Variants in APOO observed in about 807,000 individuals in gnomAD.
APOO encodes MICOS complex subunit MIC26.
Under a neutral mutation model 23.1 loss-of-function variants are expected in APOO, and 11 were observed. The ratio of observed to expected loss-of-function variants is 0.48; its 90% CI spans 0.30 to 0.79. The LOEUF (loss-of-function observed/expected upper bound fraction) is 0.79, where lower values mean the gene tolerates loss of function less well. Ranked by LOEUF, APOO falls within the 30% of genes least tolerant of loss-of-function variation. The probability of loss-of-function intolerance (pLI) is 0.07; values close to 1 mark genes in which losing one functional copy is unlikely to be tolerated. For missense variants in APOO, 160 were observed against 142.7 expected, an observed-to-expected ratio of 1.12 and a Z score of -0.62; for synonymous variants, 59 against 54.8, an observed-to-expected ratio of 1.08 and a Z score of -0.34.
At chrX:23,893,823 C>T (rs915511325) in intron 1 of APOO, among the ~76,000 whole-genome samples, 3 of 110,197 alleles carry the variant, frequency 2.7e-5, no homozygotes, top group Non-Finnish European at 5.7e-5. Flanking sequence ...CTGCCTGCCT[C>T]GGCCTTCCAA....
chrX:23,849,609 A>AAAAAAAAAAAAAAAAAAAAAG (rs1311653969), intron 7 of APOO, among the ~76,000 whole-genome samples: 2 of 94,478 alleles, frequency 2.1e-5, no homozygotes, highest in African/African-American at 9.0e-5. Context: ...AAAAAAAAAA[A>AAAAAAAAAAAAAAAAAAAAAG]GTTCGGGCAT....
chrX:23,860,000 A>C (rs1207599727), intron 5 of APOO, among the ~76,000 whole-genome samples: 1 of 111,802 alleles, frequency 8.9e-6, no homozygotes. Flanking sequence ...CGTTAAAAAA[A>C]CAGTAAGAAA....
In APOO at chrX:23,874,427, G is replaced by C. The variant is rs751126282; in HGVS notation, c.268C>G (p.Gln90Glu). 16 of 1,210,500 alleles carry C rather than the reference G, an allele frequency of 1.3e-5. No homozygotes were observed. Among genetic ancestry groups the C allele is most frequent in the Non-Finnish European group, 1.8e-5 (16 of 894,536 alleles). ...CCTAACCCCCATTGAACCAAACTTT[G>C]CATCTTGGGCTTAGTTTGGGAGTAC... is the stretch of plus-strand genomic sequence containing the variant. ...ETYSQTKPKM[Q>E]SLVQWGLDSY... Residue 90 changes from glutamine to glutamate, a missense_variant, in exon 4 of 9, where the codon CAA becomes GAA. Coordinates refer to ENST00000379226, the MANE Select transcript of APOO (RefSeq NM_024122.5).
intron 7 of APOO, among the ~76,000 whole-genome samples, chrX:23,846,417 T>A (rs1924241792): frequency 9.5e-6 from 1 of 105,344 alleles, no homozygotes; most frequent in Non-Finnish European, 1.9e-5. Flanking sequence ...AGGTCAGGAG[T>A]TCAGGACCAG....
At chrX:23,872,767 T>G (rs1925675939) in intron 4 of APOO, among the ~76,000 whole-genome samples, 2 of 110,800 alleles carry the variant, frequency 1.8e-5, no homozygotes, top group Admixed American at 2.0e-4. Flanking sequence ...AAATGTACAA[T>G]AAGCTAGGCG....
chrX:23,894,612 T>G (rs1267831207), intron 1 of APOO, among the ~76,000 whole-genome samples: 1 of 110,242 alleles, frequency 9.1e-6, no homozygotes, highest in East Asian at 2.9e-4. Flanking sequence ...CTGGCTAACA[T>G]GGTGAAACTC....
At chrX:23,861,253 C>T (rs1925010687) in intron 5 of APOO, among the ~76,000 whole-genome samples, 1 of 111,026 alleles carries the variant, frequency 9.0e-6, no homozygotes, top group African/African-American at 3.3e-5. Context: ...TCCCTTGGTG[C>T]TGTCCTTGTG....
At chrX:23,881,594 A>AAAG (rs1926134643) in intron 1 of APOO, among the ~76,000 whole-genome samples, 2 of 89,893 alleles carry the variant, frequency 2.2e-5, no homozygotes, top group Non-Finnish European at 4.3e-5. Context: ...AAAAAAAAAA[A>AAAG]GATGGGCTGA....
chrX:23,875,024 C>A (rs1265807128), intron 3 of APOO, among the ~76,000 whole-genome samples: 1 of 111,411 alleles, frequency 9.0e-6, no homozygotes, highest in Non-Finnish European at 1.9e-5. Flanking sequence ...CCGAGTGGGG[C>A]AGATCACCTG....
intron 4 of APOO, among the ~76,000 whole-genome samples, chrX:23,871,860 T>A (rs1473067526): frequency 8.9e-6 from 1 of 111,733 alleles, no homozygotes; most frequent in Non-Finnish European, 1.9e-5. Flanking sequence ...AGCAATTCTG[T>A]CCCCTAAGTA....
chrX:23,907,088 G>A (rs1416701958), intron 1 of APOO, among the ~76,000 whole-genome samples: 2 of 111,866 alleles, frequency 1.8e-5, no homozygotes, highest in Non-Finnish European at 3.8e-5. Flanking sequence ...GCAGATTTTC[G>A]AAATTAAGTC....
intron 3 of APOO, among the ~76,000 whole-genome samples, chrX:23,875,490 C>T (rs772761330): frequency 5.8e-5 from 6 of 103,481 alleles, no homozygotes; most frequent in African/African-American, 2.1e-4. Context: ...GCGACCTCGG[C>T]TCACTGCAAC....
At chrX:23,843,587 T>C (rs867487209) in intron 7 of APOO, among the ~76,000 whole-genome samples, 6,668 of 94,714 alleles carry the variant, frequency 0.07, 444 homozygotes, top group African/African-American at 0.23. Flanking sequence ...TTCTTTTTTT[T>C]TTTTTTTTTT....
At chrX:23,861,528 A>G (rs1317185782) in intron 5 of APOO, among the ~76,000 whole-genome samples, 1 of 104,014 alleles carries the variant, frequency 9.6e-6, no homozygotes, top group African/African-American at 3.5e-5. Flanking sequence ...GAATGGCCTA[A>G]CACATTGGGT....
intron 7 of APOO, among the ~76,000 whole-genome samples, chrX:23,852,264 T>A (rs1034342489): frequency 1.4e-4 from 16 of 110,368 alleles, no homozygotes; most frequent in African/African-American, 5.3e-4. Flanking sequence ...TTTCTCTGAC[T>A]ATGTACAACC....
At chrX:23,855,939 T>A (rs1359448206) in intron 7 of APOO, among the ~76,000 whole-genome samples, 1 of 112,065 alleles carries the variant, frequency 8.9e-6, no homozygotes, top group Non-Finnish European at 1.9e-5. Flanking sequence ...AGGCTCTCAA[T>A]TATGTCTTTT....
Position 23,889,621 on chromosome X carries a change from TGTACACAA to T in APOO, c.10-8677_10-8670del, listed in dbSNP as rs1349283817. Among the ~76,000 whole-genome samples the T allele has an allele frequency of 6.6e-4, 71 of 107,899 alleles. 1 individual carries two copies. Among genetic ancestry groups the T allele is most frequent in the South Asian group, 4.1e-3 (10 of 2,439 alleles). The allele number at this position is 107,899 out of a possible 115,157, so 93.7% of individuals were successfully genotyped here. On this transcript the variant is annotated intron_variant, in intron 1 of 8. Coordinates refer to ENST00000379226, the MANE Select transcript of APOO (RefSeq NM_024122.5). ...ATGATAGAAGGCTTTTGCAGGCCTG[TGTACACAA>T]GAGGTTTCAGAATCACCTGGGGAGT...
In APOO at chrX:23,833,875, G is replaced by A. The variant is rs754145036; in HGVS notation, c.*30-263C>T. Among the ~76,000 whole-genome samples, 6 of 110,299 alleles carry A rather than the reference G, an allele frequency of 5.4e-5. No individual in the cohort carries two copies. In the South Asian group the frequency reaches 1.5e-3, roughly 28 times the overall value. On this transcript the variant is annotated intron_variant, in intron 8 of 8. Coordinates refer to ENST00000379226, the MANE Select transcript of APOO (RefSeq NM_024122.5). ...GGCAAGTGCCTGTAATCCCAGCTAC[G>A]CAGGAGGCTGAGGCAGGAGAATCAC...
chrX:23,898,541 A>G (rs1184561629), intron 1 of APOO, among the ~76,000 whole-genome samples: 1 of 109,612 alleles, frequency 9.1e-6, no homozygotes, highest in African/African-American at 3.3e-5. Context: ...CCTTTTTTGG[A>G]AAAAAAAAAT....
Sources: gnomAD v4.1 joint callset for allele counts (sites outside exome capture counted in the v4.1 genomes callset) on GRCh38, gnomAD v4.1.1 for gene constraint, MANE v1.5 for transcripts, NCBI Gene and HGNC (gene_info 2026-07-23, HGNC 2026-07-21) for gene names.